Variants in NOS1 observed in about 807,000 individuals in gnomAD.
NOS1 encodes nitric oxide synthase 1.
In NOS1, 51 loss-of-function variants were observed where a neutral mutation model predicts 164.5. The ratio of observed to expected loss-of-function variants is 0.31; its 90% CI spans 0.25 to 0.39. The LOEUF is 0.39. NOS1 is among the 10% of genes least tolerant of loss of function. The pLI, the probability that NOS1 is intolerant of heterozygous loss-of-function variation, is 1.00. For missense variants in NOS1, 1,362 were observed against 1,885.6 expected (o/e 0.72, Z 5.14); for synonymous variants, 719 against 745.8 (o/e 0.96, Z 0.59).
chr12:117,312,257 C>T (rs534654463), intron 2 of NOS1, among the ~76,000 whole-genome samples: 5 of 152,174 alleles, frequency 3.3e-5, no homozygotes, highest in African/African-American at 4.8e-5. Context: ...ATATTAGACA[C>T]GGGTTCTCCC....
chr12:117,256,277 A>G (rs1592956435), intron 16 of NOS1, among the ~76,000 whole-genome samples: 1 of 84,302 alleles, frequency 1.2e-5, no homozygotes, highest in African/African-American at 8.8e-5. Flanking sequence ...ATCAGAAGGG[A>G]TTTTCTGTTT....
At chr12:117,285,461 C>T in intron 6 of NOS1, 129 bp from the exon 7 acceptor site, 1 of 471,854 alleles carries the variant, frequency 2.1e-6, no homozygotes. Flanking sequence ...GTGGGCACCT[C>T]ATTACTGAGT....
rs201451951 is a variant in NOS1 at position 117,283,056 on chromosome 12, ATTTT to A, written c.1382+2181_1382+2184del. On this transcript the variant is annotated intron_variant, in intron 7 of 28. Transcript: ENST00000317775. Reference sequence around the variant, plus strand: ...TAACATTATATATATATATATATATATTTTTTTTTTTTTTTTTGAGACAGTCTCA... The same window carrying A: ...TAACATTATATATATATATATATATATTTTTTTTTTTTTGAGACAGTCTCA... Among the ~76,000 whole-genome samples the A allele has an allele frequency of 8.1e-3, 752 of 92,922 alleles. 6 individuals are homozygous for A. The highest frequency in any genetic ancestry group is 0.025 in the African/African-American group (701 of 27,884). The allele number at this position is 92,922 out of a possible 152,430, so 61.0% of individuals were successfully genotyped here.
chr12:117,273,140 T>C (rs149021730), intron 9 of NOS1, among the ~76,000 whole-genome samples: 130 of 152,318 alleles, frequency 8.5e-4, no homozygotes, highest in Middle Eastern at 3.4e-3. Context: ...GATTTCATCC[T>C]AGGCACCATA....
At chr12:117,244,826 T>C (rs1490761729) in intron 18 of NOS1, among the ~76,000 whole-genome samples, 1 of 152,184 alleles carries the variant, frequency 6.6e-6, no homozygotes, top group Admixed American at 6.5e-5. Context: ...TATGATTCCA[T>C]TCATGCGAAA....
intron 28 of NOS1, among the ~76,000 whole-genome samples, chr12:117,216,525 T>C (rs1956614130): frequency 6.6e-6 from 1 of 151,438 alleles, no homozygotes; most frequent in East Asian, 1.9e-4. Context: ...TTGCCTAGGC[T>C]GGGGTGCAGT....
At chr12:117,223,138 C>T (rs1176672791) in intron 25 of NOS1, among the ~76,000 whole-genome samples, 4 of 152,168 alleles carry the variant, frequency 2.6e-5, no homozygotes, top group African/African-American at 9.7e-5. Context: ...AGGTCTCAAT[C>T]CTTCCTTCTG....
intron 3 of NOS1, among the ~76,000 whole-genome samples, chr12:117,293,202 A>G (rs1444087107): frequency 6.6e-6 from 1 of 152,124 alleles, no homozygotes; most frequent in Non-Finnish European, 1.5e-5. Flanking sequence ...TGCCACTGTT[A>G]AAGACTGCTC....
In NOS1 at chr12:117,214,984, G is replaced by A. The variant is rs1207447471; in HGVS notation, c.*325C>T. The A allele has an allele frequency of 9.0e-7, 1 of 1,110,214 alleles. No homozygotes were observed. Among genetic ancestry groups the A allele is most frequent in the Non-Finnish European group, 1.1e-6 (1 of 911,418 alleles). The allele number at this position is 1,110,214 out of a possible 1,614,324, so 68.8% of individuals were successfully genotyped here. A position where few individuals can be genotyped will look rare whatever the true frequency, so the allele number is the denominator to read the frequency against. ...GCAGCCTTTCCAGGGGAACCCCAGA[G>A]AAAAAAACCCCCACAGCGACGGCCA... On this transcript the variant is annotated 3_prime_UTR_variant, in exon 29 of 29. Coordinates refer to ENST00000317775, the MANE Select transcript of NOS1 (RefSeq NM_000620.5).
chr12:117,301,573 C>T (rs941346434), intron 3 of NOS1, among the ~76,000 whole-genome samples: 11 of 152,126 alleles, frequency 7.2e-5, no homozygotes, highest in African/African-American at 2.4e-4. Flanking sequence ...ACGTGGCTAT[C>T]CCCAAATTAA....
rs1203304700 is a variant in NOS1 at position 117,227,642 on chromosome 12, C to T, written c.3406-1G>A. ...TCCATTCCTCGTACTCCTGCAAACC[C>T]TGTGCCAAGGAGATGGACAGAGACA... is the stretch of plus-strand genomic sequence containing the variant. On this transcript the variant is annotated splice_acceptor_variant, in intron 22 of 28. Transcript: ENST00000317775. LOFTEE classifies it high-confidence loss of function. 1 of 1,613,848 alleles carries T rather than the reference C, an allele frequency of 6.2e-7. No individual in the cohort carries two copies. The highest frequency in any genetic ancestry group is 8.5e-7 in the Non-Finnish European group (1 of 1,179,858).
At chr12:117,297,947 T>G (rs1411867710) in intron 3 of NOS1, among the ~76,000 whole-genome samples, 5 of 152,128 alleles carry the variant, frequency 3.3e-5, no homozygotes, top group African/African-American at 1.2e-4. Context: ...GGAGCTATTA[T>G]GGCAGCAGTC....
At chr12:117,220,326 G>T in intron 26 of NOS1, 57 bp from the exon 27 acceptor site, 1 of 1,489,908 alleles carries the variant, frequency 6.7e-7, no homozygotes, top group South Asian at 1.3e-5. Flanking sequence ...GCCTGCCATA[G>T]CCCATGTCTG....
At chr12:117,253,351 A>G (rs987165989) in intron 17 of NOS1, among the ~76,000 whole-genome samples, 6 of 152,206 alleles carry the variant, frequency 3.9e-5, no homozygotes, top group African/African-American at 1.4e-4. Flanking sequence ...ATATCCAGGG[A>G]TTGATATCCT....
At chr12:117,357,662 T>C (rs916428936) in intron 1 of NOS1, among the ~76,000 whole-genome samples, 7 of 152,148 alleles carry the variant, frequency 4.6e-5, no homozygotes, top group African/African-American at 1.2e-4. Context: ...TTGTTAAAAA[T>C]AGAGATATTT....
At chr12:117,307,872 G>A (rs879756480) in intron 3 of NOS1, among the ~76,000 whole-genome samples, 2 of 151,804 alleles carry the variant, frequency 1.3e-5, no homozygotes, top group African/African-American at 2.4e-5. Context: ...AAAATTACCC[G>A]AGTGTGGTGG....
Position 117,209,739 on chromosome 12 carries a change from G to C in NOS1, c.*5570C>G. On this transcript the variant is annotated 3_prime_UTR_variant, in exon 29 of 29. Coordinates refer to ENST00000317775, the MANE Select transcript of NOS1 (RefSeq NM_000620.5). ...GCTTTCCACGGGTGAAAGTGTACCT[G>C]GGTCCTTACATTTGGGGAAGGGCAG... 2.0e-6 allele frequency: 2 copies of C among 985,528 alleles called. No homozygotes were observed. Among genetic ancestry groups the C allele is most frequent in the Non-Finnish European group, 2.4e-6 (2 of 829,980 alleles). 61.0% of individuals were successfully genotyped at this position (985,528 alleles called of 1,614,324 possible).
intron 1 of NOS1, among the ~76,000 whole-genome samples, chr12:117,355,344 A>G (rs1195265131): frequency 6.6e-6 from 1 of 152,230 alleles, no homozygotes; most frequent in Non-Finnish European, 1.5e-5. Context: ...GTCAGCAGAA[A>G]TCATAAATGC....
Position 117,286,238 on chromosome 12 carries a change from G to A in NOS1, c.1156C>T (p.Leu386=). Residue 386 remains leucine, a synonymous_variant, in exon 6 of 29, where the codon CTG becomes TTG. Coordinates refer to ENST00000317775, the MANE Select transcript of NOS1 (RefSeq NM_000620.5). ...TCGATCTCTTTGTTCACCTCTTCCA[G>A]CCTTTCCATGTGGGCTTTGGAGCCA... ...RFGSKAHMER[L]EEVNKEIDTT... 3 of 1,614,076 alleles carry A rather than the reference G, an allele frequency of 1.9e-6. No homozygotes were observed. Among genetic ancestry groups the A allele is most frequent in the Non-Finnish European group, 2.5e-6 (3 of 1,180,010 alleles).
Sources: allele counts gnomAD v4.1 joint callset (sites outside exome capture counted in the v4.1 genomes callset), GRCh38; gene constraint gnomAD v4.1.1; transcripts MANE v1.5; gene names NCBI Gene and HGNC (gene_info 2026-07-23, HGNC 2026-07-21).